Variants in C1QTNF1 observed in about 807,000 individuals in gnomAD.
The protein encoded by C1QTNF1 is complement C1q tumor necrosis factor-related protein 1.
C1QTNF1 carries 22 observed loss-of-function variants against 27.8 expected under a neutral mutation model. That is an observed-to-expected ratio of 0.79 (90% CI 0.56 to 1.13). C1QTNF1 has a LOEUF of 1.13. Among genes scored for constraint, C1QTNF1 ranks in the 50% most tolerant of loss-of-function variants. The probability of loss-of-function intolerance (pLI) is 0.00; values close to 1 mark genes in which losing one functional copy is unlikely to be tolerated. For synonymous variants in C1QTNF1, 166 were observed against 154.3 expected, an observed-to-expected ratio of 1.08 and a Z score of -0.56; for missense variants, 373 against 380.2, an observed-to-expected ratio of 0.98 and a Z score of 0.16.
intron 1 of C1QTNF1, among the ~76,000 whole-genome samples, chr17:79,038,144 C>T (rs1162111317): frequency 6.6e-6 from 1 of 152,066 alleles, no homozygotes; most frequent in Admixed American, 6.5e-5. Flanking sequence ...TGCACCCCAC[C>T]ACGCCCAGCT....
At chr17:79,025,900 T>C in intron 1 of C1QTNF1, 1 of 434,590 alleles carries the variant, frequency 2.3e-6, no homozygotes, top group Admixed American at 2.4e-5. Context: ...ATCATCATCA[T>C]CACCATCATC....
chr17:79,042,442 GGAGT>G (rs1407379541), intron 1 of C1QTNF1, among the ~76,000 whole-genome samples: 3 of 152,230 alleles, frequency 2.0e-5, no homozygotes, highest in African/African-American at 7.2e-5. Context: ...AAAAGCTCTG[GGAGT>G]GAGACGTGGG....
At chr17:79,033,247 T>C (rs1464206867) in intron 1 of C1QTNF1, among the ~76,000 whole-genome samples, 1 of 152,094 alleles carries the variant, frequency 6.6e-6, no homozygotes, top group Non-Finnish European at 1.5e-5. Context: ...AAAATGTGGC[T>C]CCTTGGCCGA....
At chr17:79,033,926 C>T (rs975658793) in intron 1 of C1QTNF1, among the ~76,000 whole-genome samples, 1 of 152,090 alleles carries the variant, frequency 6.6e-6, no homozygotes, top group Non-Finnish European at 1.5e-5. Context: ...CCACGAGGGT[C>T]GTGGGTGATC....
intron 1 of C1QTNF1, chr17:79,034,333 G>T (rs77464894): frequency 0.025 from 3,752 of 152,444 alleles, 78 homozygotes; most frequent in African/African-American, 0.06. Context: ...CAAGCCTGCC[G>T]CCCGAGGCCT....
chr17:79,027,093 G>A (rs1244154316), intron 1 of C1QTNF1, among the ~76,000 whole-genome samples: 1 of 151,130 alleles, frequency 6.6e-6, no homozygotes, highest in Non-Finnish European at 1.5e-5. Flanking sequence ...GGGGGGGGCT[G>A]TGGCTGAGGC....
intron 3 of C1QTNF1, 46 bp from the exon 4 acceptor site, chr17:79,047,492 T>G (rs11077410): frequency 6.7e-7 from 1 of 1,501,964 alleles, no homozygotes; most frequent in Non-Finnish European, 8.9e-7. Context: ...CTCAGGACAC[T>G]ACCGGATTGC....
chr17:79,046,787 G>A lies in C1QTNF1; in HGVS notation c.295+93G>A. On this transcript the variant is annotated intron_variant, in intron 3 of 3. Transcript: ENST00000579760. This position sits in a 1 kb window ranked among gnomAD's most constrained non-coding sequence, Gnocchi z 4.8. ...GAGTCGTTAGGGTGGGGCTAGGCGA[G>A]AGCAGAATGGCTCCCTCGGGACAGG... The A allele has an allele frequency of 6.6e-7, 1 of 1,503,954 alleles. No individual in the cohort carries two copies. Among genetic ancestry groups the A allele is most frequent in the Non-Finnish European group, 9.1e-7 (1 of 1,100,886 alleles). The allele number at this position is 1,503,954 out of a possible 1,614,324, so 93.2% of individuals were successfully genotyped here.
intron 1 of C1QTNF1, among the ~76,000 whole-genome samples, chr17:79,040,852 C>T (rs985132580): frequency 6.6e-6 from 1 of 151,326 alleles, no homozygotes; most frequent in South Asian, 2.1e-4. Context: ...TGCAGTGAGC[C>T]GAGATTGCAC....
At chr17:79,041,424 T>G (rs2072405507) in intron 1 of C1QTNF1, among the ~76,000 whole-genome samples, 1 of 152,162 alleles carries the variant, frequency 6.6e-6, no homozygotes, top group Non-Finnish European at 1.5e-5. Flanking sequence ...ACTCCAGATC[T>G]TCCCCTGCAA....
In C1QTNF1 at chr17:79,049,252, C is replaced by T. The variant is rs1222086550; in HGVS notation, c.*1164C>T. ...GAGAGCTGGAAGGGGCTAGAAAGCT[C>T]CCGCTTGTCTGTTTCTCAGGCTCCT... On this transcript the variant is annotated 3_prime_UTR_variant, in exon 4 of 4. Transcript: ENST00000579760. This position sits in a 1 kb window ranked among gnomAD's most constrained non-coding sequence, Gnocchi z 4.4. 6.6e-6 allele frequency: 1 copy of T among 152,324 alleles called. No homozygotes were observed. Among genetic ancestry groups the T allele is most frequent in the African/African-American group, 2.4e-5 (1 of 41,448 alleles). The allele number at this position is 152,324 out of a possible 1,614,324, so 9.4% of individuals were successfully genotyped here.
chr17:79,032,389 C>T (rs559935640), intron 1 of C1QTNF1, among the ~76,000 whole-genome samples: 18 of 152,254 alleles, frequency 1.2e-4, no homozygotes, highest in South Asian at 4.1e-4. Flanking sequence ...GGGACTCACG[C>T]GGGGTGGGGA....
intron 1 of C1QTNF1, chr17:79,043,238 GAT>G (rs2088095004): frequency 2.2e-6 from 1 of 454,014 alleles, no homozygotes; most frequent in Non-Finnish European, 4.4e-6. Flanking sequence ...GTGTGCATGT[GAT>G]ATGGGTATAT....
At chr17:79,030,483 CTTTT>C (rs151151245) in intron 1 of C1QTNF1, among the ~76,000 whole-genome samples, 2 of 67,818 alleles carry the variant, frequency 2.9e-5, no homozygotes, top group Admixed American at 1.5e-4. Flanking sequence ...TTCTTTCTTT[CTTTT>C]TCTTTCTTTC....
At chr17:79,039,806 T>C (rs1328659710) in intron 1 of C1QTNF1, among the ~76,000 whole-genome samples, 1 of 151,504 alleles carries the variant, frequency 6.6e-6, no homozygotes, top group African/African-American at 2.4e-5. Context: ...TGTATATATA[T>C]ATATATGTAA....
intron 1 of C1QTNF1, among the ~76,000 whole-genome samples, chr17:79,033,406 G>A (rs1377407900): frequency 6.6e-6 from 1 of 152,118 alleles, no homozygotes; most frequent in Non-Finnish European, 1.5e-5. Flanking sequence ...GATGTGGTGT[G>A]GACCAGGACA....
chr17:79,027,739 TCACGG>T (rs1420975175), intron 1 of C1QTNF1: 2 of 152,326 alleles, frequency 1.3e-5, no homozygotes, highest in East Asian at 1.9e-4. Flanking sequence ...CTTGTCAAGG[TCACGG>T]CTGTGTGACA....
Position 79,048,265 on chromosome 17 carries a change from G to A in C1QTNF1, c.*177G>A, listed in dbSNP as rs1213051645. The A allele has an allele frequency of 1.5e-6, 1 of 672,882 alleles. No homozygotes were observed. Among genetic ancestry groups the A allele is most frequent in the Non-Finnish European group, 2.4e-6 (1 of 422,610 alleles). The allele number at this position is 672,882 out of a possible 1,614,324, so 41.7% of individuals were successfully genotyped here. On this transcript the variant is annotated 3_prime_UTR_variant, in exon 4 of 4. Coordinates refer to ENST00000579760, the MANE Select transcript of C1QTNF1 (RefSeq NM_030968.5). ...CCAGATCCCGCAGCCTCTGGAGAGA[G>A]CTGACGGCAGATGAAATCACCAGGG...
At chr17:79,040,616 C>G (rs541180434) in intron 1 of C1QTNF1, among the ~76,000 whole-genome samples, 1 of 150,026 alleles carries the variant, frequency 6.7e-6, no homozygotes, top group Non-Finnish European at 1.5e-5. Context: ...AGTCTTGGCC[C>G]GGCGTGGAGG....
Sources: allele counts gnomAD v4.1 joint callset (sites outside exome capture counted in the v4.1 genomes callset), GRCh38; gene constraint gnomAD v4.1.1; non-coding constraint Gnocchi (gnomAD v3.1); transcripts MANE v1.5; gene names NCBI Gene and HGNC (gene_info 2026-07-23, HGNC 2026-07-21).